The following RALGPS1 variants were observed in gnomAD, a reference collection of about 807,000 sequenced individuals.
RALGPS1 encodes Ral GEF with PH domain and SH3 binding motif 1.
A neutral mutation model predicts 78.8 loss-of-function variants in RALGPS1; 19 were observed. The ratio of observed to expected loss-of-function variants is 0.24; its 90% CI spans 0.17 to 0.35. The LOEUF (loss-of-function observed/expected upper bound fraction) is 0.35, where lower values mean the gene tolerates loss of function less well. RALGPS1 is among the 10% of genes least tolerant of loss of function. The pLI is 1.00. For missense variants in RALGPS1, 454 were observed against 688.3 expected, an observed-to-expected ratio of 0.66 and a Z score of 3.81; for synonymous variants, 228 against 256.3, an observed-to-expected ratio of 0.89 and a Z score of 1.06.
intron 4 of RALGPS1, 40 bp from the exon 5 acceptor site, chr9:127,034,391 C>T: frequency 6.3e-7 from 1 of 1,575,432 alleles, no homozygotes; most frequent in Non-Finnish European, 8.7e-7. Context: ...TTTTGCATCC[C>T]AACTAGAATC....
intron 7 of RALGPS1, among the ~76,000 whole-genome samples, chr9:127,055,890 C>T (rs982394978): frequency 3.9e-5 from 6 of 152,300 alleles, no homozygotes; most frequent in African/African-American, 1.4e-4. Flanking sequence ...GGGTCTCTGT[C>T]TTGGGTGTGG....
At chr9:127,127,723 T>C (rs187969819) in intron 8 of RALGPS1, among the ~76,000 whole-genome samples, 1 of 152,210 alleles carries the variant, frequency 6.6e-6, no homozygotes, top group African/African-American at 2.4e-5. Context: ...GAGTGAAATA[T>C]TACTATTCTA....
chr9:126,979,241 A>ATGTGTGTGTG (rs57264470), intron 4 of RALGPS1, among the ~76,000 whole-genome samples: 1 of 146,676 alleles, frequency 6.8e-6, no homozygotes, highest in East Asian at 2.0e-4. Flanking sequence ...TTGTATTATT[A>ATGTGTGTGTG]TGTGTGTGTG....
At chr9:126,948,550 T>G (rs2037498136) in intron 1 of RALGPS1, among the ~76,000 whole-genome samples, 1 of 151,942 alleles carries the variant, frequency 6.6e-6, no homozygotes. Context: ...AAATAAAATT[T>G]CAGAAAGTCC....
chr9:126,944,487 A>G (rs1245458941), intron 1 of RALGPS1, among the ~76,000 whole-genome samples: 1 of 136,864 alleles, frequency 7.3e-6, no homozygotes, highest in Admixed American at 8.2e-5. Flanking sequence ...GTCAACACCC[A>G]GGGCTGCAGT....
chr9:126,985,445 A>G (rs2041709542), intron 4 of RALGPS1, among the ~76,000 whole-genome samples: 1 of 152,218 alleles, frequency 6.6e-6, no homozygotes. Context: ...AAATTTGACT[A>G]ATATAATACT....
intron 5 of RALGPS1, among the ~76,000 whole-genome samples, chr9:127,046,820 A>G (rs1023758068): frequency 6.6e-6 from 1 of 152,168 alleles, no homozygotes; most frequent in African/African-American, 2.4e-5. Flanking sequence ...CTTCACAAGG[A>G]CCTGTGCAGG....
chr9:126,960,098 G>A (rs2038730539), intron 1 of RALGPS1, among the ~76,000 whole-genome samples: 1 of 151,976 alleles, frequency 6.6e-6, no homozygotes. Context: ...TACCAGGAGA[G>A]AACCTGGGTC....
At chr9:127,150,648 A>G (rs377761483) in intron 8 of RALGPS1, among the ~76,000 whole-genome samples, 3 of 152,312 alleles carry the variant, frequency 2.0e-5, no homozygotes, top group African/African-American at 7.2e-5. Flanking sequence ...CCCCATCTCA[A>G]ACTGGACTCA....
chr9:127,093,671 G>A, intron 8 of RALGPS1: 2 of 1,584,904 alleles, frequency 1.3e-6, no homozygotes, highest in South Asian at 2.3e-5. Context: ...GGTTGCTCAG[G>A]CCTCTCTTGG....
rs536126332 is a variant in RALGPS1 at position 126,975,750 on chromosome 9, C to T, written c.166-1945C>T. ...TTCAGGGCTTACTGGCCACTCAACA[C>T]CCAGATTATGAGGGCCAGATACATT... On this transcript the variant is annotated intron_variant, in intron 3 of 18. Coordinates refer to ENST00000259351, the MANE Select transcript of RALGPS1 (RefSeq NM_014636.3). Among the ~76,000 whole-genome samples, 6 of 152,262 alleles carry T rather than the reference C, an allele frequency of 3.9e-5. No individual in the cohort carries two copies. The East Asian group carries it at 1.2e-3, about 29-fold the overall frequency.
chr9:127,197,625 G>A (rs1277959075), intron 13 of RALGPS1, among the ~76,000 whole-genome samples: 1 of 152,198 alleles, frequency 6.6e-6, no homozygotes, highest in African/African-American at 2.4e-5. Flanking sequence ...CCACGCCCTG[G>A]AAGTCTGACA....
chr9:127,032,121 T>C (rs1258186463), intron 4 of RALGPS1, among the ~76,000 whole-genome samples: 1 of 152,240 alleles, frequency 6.6e-6, no homozygotes, highest in African/African-American at 2.4e-5. Context: ...TGTCACGTGC[T>C]AGGTGCTTTG....
chr9:127,091,464 G>A lies in RALGPS1; in HGVS notation c.610+22108G>A, dbSNP rs1041953664. Among the ~76,000 whole-genome samples the A allele has an allele frequency of 2.6e-5, 4 of 151,622 alleles. No homozygotes were observed. Among genetic ancestry groups the A allele is most frequent in the Non-Finnish European group, 5.9e-5 (4 of 67,890 alleles). ...CATCCCATTTTTTTTTTCTTAATTTGTAAATGCCACTGTGACCCAGCTTTG... is the reference window on the plus strand; with the variant it reads ...CATCCCATTTTTTTTTTCTTAATTTATAAATGCCACTGTGACCCAGCTTTG... On this transcript the variant is annotated intron_variant, in intron 8 of 18. Coordinates refer to ENST00000259351, the MANE Select transcript of RALGPS1 (RefSeq NM_014636.3). The surrounding 1 kb of genome is among the most constrained non-coding windows in gnomAD (Gnocchi z 4.3).
At chr9:126,952,919 T>C (rs1038923482) in intron 1 of RALGPS1, among the ~76,000 whole-genome samples, 3 of 151,978 alleles carry the variant, frequency 2.0e-5, no homozygotes, top group African/African-American at 4.8e-5. Flanking sequence ...GGCTTGGAAA[T>C]GGTGTTTGGG....
intron 1 of RALGPS1, among the ~76,000 whole-genome samples, chr9:126,930,876 A>G (rs2035725623): frequency 6.6e-6 from 1 of 152,286 alleles, no homozygotes; most frequent in Non-Finnish European, 1.5e-5. Context: ...TTGAGGGAAT[A>G]TAAAAATGGC....
chr9:127,143,843 A>G (rs571099364), intron 8 of RALGPS1, among the ~76,000 whole-genome samples: 3 of 152,360 alleles, frequency 2.0e-5, no homozygotes, highest in African/African-American at 7.2e-5. Context: ...TTACCAAGAC[A>G]GAGGTCTCCA....
At chr9:127,088,827 G>A (rs1012796379) in intron 8 of RALGPS1, 11 of 1,253,686 alleles carry the variant, frequency 8.8e-6, no homozygotes, top group East Asian at 2.3e-5. Flanking sequence ...CCAGCATCCC[G>A]GTCCTCCCAG....
At chr9:127,216,903 C>T (rs773561438) in intron 18 of RALGPS1, 10 of 1,540,968 alleles carry the variant, frequency 6.5e-6, no homozygotes, top group Non-Finnish European at 7.9e-6. Flanking sequence ...CTACCACACA[C>T]AGGAAGCCGG....
Sources: gnomAD v4.1 joint callset for allele counts (sites outside exome capture counted in the v4.1 genomes callset) on GRCh38, gnomAD v4.1.1 for gene constraint, Gnocchi (gnomAD v3.1) non-coding constraint, MANE v1.5 for transcripts, NCBI Gene and HGNC (gene_info 2026-07-23, HGNC 2026-07-21) for gene names.